Variants in HERC6 observed in about 807,000 individuals in gnomAD.
HERC6 encodes HECT and RLD domain containing E3 ubiquitin protein ligase family member 6.
Under a neutral mutation model 114.5 loss-of-function variants are expected in HERC6, and 101 were observed. That is an observed-to-expected ratio of 0.88 (90% confidence interval 0.75 to 1.04). The LOEUF (loss-of-function observed/expected upper bound fraction) is 1.04. HERC6 is among the 50% of genes least tolerant of loss of function. The pLI is 0.00. For missense variants in HERC6, 1,133 were observed against 1,230.9 expected, an observed-to-expected ratio of 0.92 and a Z score of 1.19; for synonymous variants, 408 against 436.2, an observed-to-expected ratio of 0.94 and a Z score of 0.81.
At chr4:88,431,458 C>CT (rs775614139) in intron 17 of HERC6, among the ~76,000 whole-genome samples, 153 bp downstream of exon 17, 1 of 152,080 alleles carries the variant, frequency 6.6e-6, no homozygotes, top group Admixed American at 6.6e-5. Flanking sequence ...AGAGCAGCAG[C>CT]TATGGCGTCA....
At chr4:88,418,520 A>G (rs1231278151) in intron 13 of HERC6, among the ~76,000 whole-genome samples, 1 of 152,052 alleles carries the variant, frequency 6.6e-6, no homozygotes, top group Non-Finnish European at 1.5e-5. Flanking sequence ...TGGCTCAAAG[A>G]GCTACAGTGT....
chr4:88,409,397 C>T (rs565114965), intron 11 of HERC6, among the ~76,000 whole-genome samples: 43 of 152,234 alleles, frequency 2.8e-4, no homozygotes, highest in African/African-American at 9.9e-4. Flanking sequence ...CATACTTTTG[C>T]AAAGGTGGTT....
intron 6 of HERC6, among the ~76,000 whole-genome samples, chr4:88,396,470 G>A (rs1011155269): frequency 6.6e-6 from 1 of 152,072 alleles, no homozygotes; most frequent in Non-Finnish European, 1.5e-5. Flanking sequence ...TGCAGAAGAT[G>A]ATGTATATTT....
In HERC6 at chr4:88,435,825, A is replaced by G. The variant is rs1738673748; in HGVS notation, c.2351A>G (p.Tyr784Cys). 1 of 1,612,478 alleles carries G rather than the reference A, an allele frequency of 6.2e-7. No individual in the cohort carries two copies. Among genetic ancestry groups the G allele is most frequent in the African/African-American group, 1.3e-5 (1 of 74,846 alleles). ...AACCTTCCTTTCCCACTGGCTCTGT[A>G]TAAAAAACTTCTGGACCAAAAGCCA... ...VANLPFPLALYKKLLDQKPSL... is the reference protein window; with the variant it reads ...VANLPFPLALCKKLLDQKPSL... Residue 784 changes from tyrosine to cysteine, a missense_variant, in exon 18 of 23, where the codon TAT becomes TGT. Tyr to Cys is a radical substitution (Grantham distance 194). Around this residue, in one of 3 missense-constraint regions of HERC6, gnomAD observed 388 missense variants for 445.9 expected, o/e 0.87. Transcript: ENST00000264346.
At position 88,421,742 on chromosome 4, in the gene HERC6, G is replaced by A. The variant is rs1381760300; in HGVS notation, c.1714-2118G>A. Among the ~76,000 whole-genome samples, 9 of 152,138 alleles carry A rather than the reference G, an allele frequency of 5.9e-5. No homozygotes were observed. In the South Asian group the frequency reaches 8.3e-4, roughly 14 times the overall value. ...ATTACAGGCATAAGCCACCGCACCC[G>A]ACCACTTTTCCACATTCTTGCCAAC... On this transcript the variant is annotated intron_variant, in intron 13 of 22. Transcript: ENST00000264346.
At chr4:88,430,022 A>C (rs938304978) in intron 16 of HERC6, among the ~76,000 whole-genome samples, 1 of 152,206 alleles carries the variant, frequency 6.6e-6, no homozygotes, top group Non-Finnish European at 1.5e-5. Flanking sequence ...AATCAGAAGT[A>C]GGCTTAATTT....
At chr4:88,392,941 C>T (rs537806228) in intron 4 of HERC6, among the ~76,000 whole-genome samples, 55 of 152,338 alleles carry the variant, frequency 3.6e-4, no homozygotes, top group African/African-American at 1.3e-3. Context: ...CCCCTTGCCT[C>T]AACCTCCCCA....
rs769352758 is a variant in HERC6 at position 88,393,609 on chromosome 4, T to C, written c.759+27T>C. 7.6e-6 allele frequency: 11 copies of C among 1,450,686 alleles called. No homozygotes were observed. In the South Asian group the frequency reaches 9.4e-5, roughly 12 times the overall value. 89.9% of individuals were successfully genotyped at this position (1,450,686 alleles called of 1,614,324 possible). A position where few individuals can be genotyped will look rare whatever the true frequency, so the allele number is the denominator to read the frequency against. ...TAATCCAAAACGTGTTGCTATTTTT[T>C]TGAGTTCCAGAGAAATGGTAACAAG... On this transcript the variant is annotated intron_variant, in intron 5 of 22. Coordinates refer to ENST00000264346, the MANE Select transcript of HERC6 (RefSeq NM_017912.4).
chr4:88,421,850 C>T (rs1486829467), intron 13 of HERC6, among the ~76,000 whole-genome samples: 1 of 152,120 alleles, frequency 6.6e-6, no homozygotes, highest in East Asian at 1.9e-4. Context: ...CTTGTATTTC[C>T]TTGATGGCTA....
At chr4:88,439,280 G>A (rs997551614) in intron 20 of HERC6, among the ~76,000 whole-genome samples, 8 of 151,922 alleles carry the variant, frequency 5.3e-5, no homozygotes, top group Admixed American at 1.3e-4. Context: ...AGGCTGTGGC[G>A]GGAGGTTCGC....
Position 88,428,748 on chromosome 4 carries a change from G to A in HERC6, c.2104G>A (p.Val702Met). ...AEATDFCKVL[V>M]VEFINEICPE... ...AGCTACTGACTTCTGCAAAGTATTA[G>A]TGGTACAGTAAAAAGTCTCATTGAA... Residue 702 changes from valine (V) to methionine (M), a missense_variant and splice_region_variant, in exon 16 of 23, where the codon GTG becomes ATG. Coordinates refer to ENST00000264346, the MANE Select transcript of HERC6 (RefSeq NM_017912.4). 6.5e-7 allele frequency: 1 copy of A among 1,540,148 alleles called. No individual in the cohort carries two copies.
At chr4:88,404,123 G>A (rs1735683719) in intron 8 of HERC6, among the ~76,000 whole-genome samples, 1 of 151,570 alleles carries the variant, frequency 6.6e-6, no homozygotes, top group Non-Finnish European at 1.5e-5. Flanking sequence ...TTGTCATTTT[G>A]CATCTGGCTT....
intron 13 of HERC6, among the ~76,000 whole-genome samples, chr4:88,420,979 C>A (rs1736990039): frequency 6.6e-6 from 1 of 152,138 alleles, no homozygotes. Context: ...AATCACTAAT[C>A]TACTTTCTGT....
chr4:88,409,839 A>G (rs886792768), intron 11 of HERC6, among the ~76,000 whole-genome samples: 1 of 152,128 alleles, frequency 6.6e-6, no homozygotes, highest in Admixed American at 6.5e-5. Context: ...CTCAGGTTTG[A>G]GCTGGTGGAT....
chr4:88,418,898 T>G (rs1736767953), intron 13 of HERC6, among the ~76,000 whole-genome samples: 1 of 152,134 alleles, frequency 6.6e-6, no homozygotes. Flanking sequence ...AGATAATTTT[T>G]GTATGTTTAA....
intron 8 of HERC6, 53 bp from the exon 9 acceptor site, chr4:88,404,823 A>G: frequency 1.3e-6 from 2 of 1,599,126 alleles, no homozygotes; most frequent in East Asian, 2.2e-5. Context: ...TGTATAATTT[A>G]CTACTGAACG....
chr4:88,440,516 T>C lies in HERC6; in HGVS notation c.2842+266T>C, dbSNP rs1578442245. ...GCTGATCTGTGGTGAAATGCAGGGTTTTTTATAGATGAGCTAGTGAGGAGG... is the reference window on the plus strand; with the variant it reads ...GCTGATCTGTGGTGAAATGCAGGGTCTTTTATAGATGAGCTAGTGAGGAGG... On this transcript the variant is annotated intron_variant, in intron 22 of 22. Transcript: ENST00000264346. 6 of 365,956 alleles carry C rather than the reference T, an allele frequency of 1.6e-5. No homozygotes were observed. The East Asian group carries it at 2.9e-4, about 18-fold the overall frequency. 22.7% of individuals were successfully genotyped at this position (365,956 alleles called of 1,614,324 possible).
At chr4:88,423,810 A>T in intron 13 of HERC6, 50 bp from the exon 14 acceptor site, 1 of 802,358 alleles carries the variant, frequency 1.2e-6, no homozygotes, top group African/African-American at 1.8e-5. Flanking sequence ...ATCATAGATT[A>T]AATCACTTAT....
intron 3 of HERC6, among the ~76,000 whole-genome samples, chr4:88,386,941 C>T (rs1734618856): frequency 6.6e-6 from 1 of 152,198 alleles, no homozygotes; most frequent in African/African-American, 2.4e-5. Context: ...TCCTGACCCC[C>T]TTCAAAGGAC....
Sources: allele counts gnomAD v4.1 joint callset (sites outside exome capture counted in the v4.1 genomes callset), GRCh38; gene constraint gnomAD v4.1.1; regional missense constraint gnomAD v4.1.1; transcripts MANE v1.5; gene names NCBI Gene and HGNC (gene_info 2026-07-23, HGNC 2026-07-21).